Variants in PCDHA3 observed in about 807,000 individuals in gnomAD.
PCDHA3 encodes the protein protocadherin alpha 3, also known as protocadherin alpha-3.
Under a neutral mutation model 62.2 loss-of-function variants are expected in PCDHA3, and 41 were observed. That is an observed-to-expected ratio of 0.66 (90% confidence interval 0.51 to 0.86). PCDHA3 has a LOEUF of 0.86. Among genes scored for constraint, PCDHA3 ranks in the 40% least tolerant of loss-of-function variants. PCDHA3 has a pLI of 0.00. For missense variants in PCDHA3, 1,304 were observed against 1,241.2 expected (o/e 1.05, Z -0.76); for synonymous variants, 640 against 555.4 (o/e 1.15, Z -2.14).
intron 1 of PCDHA3, among the ~76,000 whole-genome samples, chr5:140,821,310 C>A (rs1240632273): frequency 6.6e-6 from 1 of 151,998 alleles, no homozygotes; most frequent in African/African-American, 2.4e-5. Flanking sequence ...TAAAATACAC[C>A]AGCACAAATT....
Position 140,801,866 on chromosome 5 carries a change from T to A in PCDHA3, c.669T>A (p.Thr223=). 6.2e-7 allele frequency: 1 copy of A among 1,614,116 alleles called. No individual in the cohort carries two copies. The highest frequency in any genetic ancestry group is 8.5e-7 in the Non-Finnish European group (1 of 1,180,038). Residue 223 remains threonine (T), a synonymous_variant, in exon 1 of 4, where the codon ACT becomes ACA. Transcript: ENST00000522353. ...TAIDGGKPEL[T]GTTQLKITVL... Reference sequence around the variant, plus strand: ...TTGATGGTGGGAAACCAGAGCTCACTGGCACGACTCAACTAAAGATCACTG... The same window carrying A: ...TTGATGGTGGGAAACCAGAGCTCACAGGCACGACTCAACTAAAGATCACTG...
chr5:140,871,823 C>T (rs900166925), intron 1 of PCDHA3, among the ~76,000 whole-genome samples: 1 of 152,144 alleles, frequency 6.6e-6, no homozygotes, highest in African/African-American at 2.4e-5. Context: ...TACCCATGCC[C>T]CTTCATCTCT....
chr5:141,002,806 G>T (rs1341419225), intron 3 of PCDHA3, among the ~76,000 whole-genome samples: 1 of 152,162 alleles, frequency 6.6e-6, no homozygotes, highest in Non-Finnish European at 1.5e-5. Context: ...GGAAACTGAG[G>T]CTCAGAGATA....
At chr5:140,804,759 T>C (rs1401424367) in intron 1 of PCDHA3, 5 of 234,244 alleles carry the variant, frequency 2.1e-5, no homozygotes, top group African/African-American at 9.0e-5. Flanking sequence ...CCTCTAGCAA[T>C]TAGTTGGACT....
intron 1 of PCDHA3, among the ~76,000 whole-genome samples, chr5:140,901,473 A>C (rs1554189862): frequency 1.3e-5 from 2 of 152,012 alleles, no homozygotes. Flanking sequence ...TCTCGAGTTT[A>C]TGTTCTTGGC....
intron 1 of PCDHA3, chr5:140,875,357 C>T: frequency 1.4e-6 from 2 of 1,446,712 alleles, no homozygotes; most frequent in South Asian, 1.5e-5. Flanking sequence ...GACTGTGATG[C>T]TGGAAAAAAT....
chr5:140,916,220 A>G (rs886998484), intron 1 of PCDHA3, among the ~76,000 whole-genome samples: 11 of 152,084 alleles, frequency 7.2e-5, no homozygotes, highest in African/African-American at 2.7e-4. Context: ...AGATCCAAAT[A>G]TGCTTTCCAG....
At chr5:140,817,937 C>A (rs2150099666) in intron 1 of PCDHA3, among the ~76,000 whole-genome samples, 9 of 152,198 alleles carry the variant, frequency 5.9e-5, no homozygotes, top group African/African-American at 2.2e-4. Flanking sequence ...TGATGGCTGT[C>A]AAGTTTATTG....
At chr5:140,877,696 T>C (rs1554169994) in intron 1 of PCDHA3, 1 of 1,613,838 alleles carries the variant, frequency 6.2e-7, no homozygotes, top group South Asian at 1.1e-5. Flanking sequence ...GCTGGTGTGC[T>C]CCAGCGCCGT....
In PCDHA3 at chr5:140,828,621, A is replaced by G. The variant is rs2150157492; in HGVS notation, c.2394+25030A>G. Reference sequence around the variant, plus strand: ...ACCTATAAACTCAGTTCTAGCGAATACTTCGGGCTAGATGTGAAAATAAAC... The same window carrying G: ...ACCTATAAACTCAGTTCTAGCGAATGCTTCGGGCTAGATGTGAAAATAAAC... On this transcript the variant is annotated intron_variant, in intron 1 of 3. Transcript: ENST00000522353. 11 of 1,614,094 alleles carry G rather than the reference A, an allele frequency of 6.8e-6. No individual in the cohort carries two copies. The South Asian group carries it at 1.2e-4, about 18-fold the overall frequency.
chr5:140,847,155 T>C lies in PCDHA3; in HGVS notation c.2394+43564T>C. On this transcript the variant is annotated intron_variant, in intron 1 of 3. Transcript: ENST00000522353. ...ACCAATGTAAGAAGATCTCTTGATT[T>C]CTGAGTAATAAACTAAAGGGCCATG... is the stretch of plus-strand genomic sequence containing the variant. Among the ~76,000 whole-genome samples, 2 of 149,582 alleles carry C rather than the reference T, an allele frequency of 1.3e-5. 1 individual carries two copies. The highest frequency in any genetic ancestry group is 3.0e-5 in the Non-Finnish European group (2 of 66,904).
chr5:140,965,229 C>A (rs1554227498), intron 1 of PCDHA3, among the ~76,000 whole-genome samples: 1 of 152,124 alleles, frequency 6.6e-6, no homozygotes, highest in Non-Finnish European at 1.5e-5. Context: ...AATGTGAGAA[C>A]CTGGGAAGAG....
intron 1 of PCDHA3, chr5:140,850,632 C>T (rs2150491641): frequency 6.3e-7 from 1 of 1,598,646 alleles, no homozygotes. Flanking sequence ...CCTGTTGGTT[C>T]TCACGCTGCT....
intron 1 of PCDHA3, chr5:140,876,970 G>T (rs1554169165): frequency 6.2e-7 from 1 of 1,612,850 alleles, no homozygotes; most frequent in East Asian, 2.2e-5. Flanking sequence ...GCGGCGGGTG[G>T]GCGAGCACGC....
intron 1 of PCDHA3, chr5:140,881,269 G>T (rs1016077757): frequency 3.1e-6 from 2 of 648,656 alleles, no homozygotes; most frequent in Non-Finnish European, 1.9e-6. Context: ...CAGTGATGAT[G>T]AAGTAAGATG....
Position 140,967,862 on chromosome 5 carries a change from G to T in PCDHA3, c.2395-11087G>T, listed in dbSNP as rs781878230. On this transcript the variant is annotated intron_variant, in intron 1 of 3. Transcript: ENST00000522353. ...CGTGAATGACAATGCCCCAGAGGTG[G>T]TGCTCACGGACCTGTATAGCCCAGT... The T allele has an allele frequency of 8.1e-6, 13 of 1,614,170 alleles. No individual in the cohort carries two copies. The East Asian group carries it at 2.5e-4, about 30-fold the overall frequency.
intron 1 of PCDHA3, chr5:140,843,660 T>C (rs2150364651): frequency 6.3e-7 from 1 of 1,594,154 alleles, no homozygotes; most frequent in Non-Finnish European, 8.6e-7. Flanking sequence ...CCTCCTGATC[T>C]GGGATCAGTT....
intron 1 of PCDHA3, chr5:140,860,787 G>A (rs1038488180): frequency 5.9e-5 from 9 of 152,154 alleles, no homozygotes; most frequent in African/African-American, 2.2e-4. Flanking sequence ...GCCCAGGCTG[G>A]AGTGCAGTGG....
At chr5:140,888,161 C>G (rs1272451290) in intron 1 of PCDHA3, among the ~76,000 whole-genome samples, 1 of 152,160 alleles carries the variant, frequency 6.6e-6, no homozygotes, top group Non-Finnish European at 1.5e-5. Context: ...CTGGTAATCT[C>G]TAATAAGATG....
Sources: gnomAD v4.1 joint callset for allele counts (sites outside exome capture counted in the v4.1 genomes callset) on GRCh38, gnomAD v4.1.1 for gene constraint, MANE v1.5 for transcripts, NCBI Gene and HGNC (gene_info 2026-07-23, HGNC 2026-07-21) for gene names.